Variants in SKAP1 observed in about 807,000 individuals in gnomAD.
The protein encoded by SKAP1 is src kinase-associated phosphoprotein 1.
Under a neutral mutation model 58.5 loss-of-function variants are expected in SKAP1, and 44 were observed. That is an observed-to-expected ratio of 0.75 (90% CI 0.59 to 0.97). The LOEUF (loss-of-function observed/expected upper bound fraction) is 0.97. Among genes scored for constraint, SKAP1 ranks in the 50% least tolerant of loss-of-function variants. SKAP1 has a pLI of 0.00. For synonymous variants in SKAP1, 127 were observed against 149.7 expected (o/e 0.85, Z 1.11); for missense variants, 390 against 435.2 (o/e 0.90, Z 0.92).
intron 4 of SKAP1, among the ~76,000 whole-genome samples, chr17:48,297,481 C>T (rs552193529): frequency 1.3e-5 from 2 of 152,286 alleles, no homozygotes; most frequent in Non-Finnish European, 2.9e-5. Flanking sequence ...AAAACAAGAT[C>T]ATAGATAGTA....
At chr17:48,411,816 T>C (rs923171572) in intron 1 of SKAP1, among the ~76,000 whole-genome samples, 7 of 152,156 alleles carry the variant, frequency 4.6e-5, no homozygotes, top group African/African-American at 9.7e-5. Context: ...ACCTCACCAG[T>C]ACTCCTCAAA....
chr17:48,427,931 A>G (rs904310790), intron 1 of SKAP1, among the ~76,000 whole-genome samples: 3 of 152,138 alleles, frequency 2.0e-5, no homozygotes, highest in African/African-American at 7.2e-5. Flanking sequence ...TGGGGGAGAC[A>G]AATAGCAACA....
intron 4 of SKAP1, among the ~76,000 whole-genome samples, chr17:48,263,792 T>A (rs1051114281): frequency 6.6e-6 from 1 of 152,220 alleles, no homozygotes; most frequent in African/African-American, 2.4e-5. Flanking sequence ...TGAAATTATT[T>A]GGTTTTGACC....
chr17:48,286,410 C>T (rs567299456), intron 4 of SKAP1, among the ~76,000 whole-genome samples: 5 of 152,294 alleles, frequency 3.3e-5, no homozygotes, highest in African/African-American at 1.2e-4. Context: ...CACATACTCC[C>T]AGAAGATTTC....
At chr17:48,429,975 G>C (rs1441973499) in intron 1 of SKAP1, 100 bp downstream of exon 1, 2 of 999,066 alleles carry the variant, frequency 2.0e-6, no homozygotes, top group African/African-American at 3.3e-5. Flanking sequence ...CTAGAAGGAG[G>C]TGAGTGACGA....
At chr17:48,304,126 A>G (rs1156563154) in intron 4 of SKAP1, among the ~76,000 whole-genome samples, 1 of 152,232 alleles carries the variant, frequency 6.6e-6, no homozygotes, top group African/African-American at 2.4e-5. Context: ...ATGTAATACC[A>G]AAGTATTATA....
At chr17:48,222,339 C>T (rs145803174) in intron 4 of SKAP1, among the ~76,000 whole-genome samples, 54 of 152,312 alleles carry the variant, frequency 3.5e-4, no homozygotes, top group African/African-American at 1.3e-3. Context: ...CATACTCCTA[C>T]ACTCTTTCTG....
chr17:48,173,780 G>C (rs897326125), intron 9 of SKAP1, among the ~76,000 whole-genome samples: 1 of 152,152 alleles, frequency 6.6e-6, no homozygotes, highest in African/African-American at 2.4e-5. Flanking sequence ...CGAAGTTGGA[G>C]GGTCACAGTG....
At chr17:48,443,570 G>T in the SKAP1 span, among the ~76,000 whole-genome samples, 1 of 152,064 alleles carries the variant, frequency 6.6e-6, no homozygotes, top group East Asian at 1.9e-4. Flanking sequence ...CTGCCTCCTG[G>T]GTTCAAGCAA....
intron 4 of SKAP1, among the ~76,000 whole-genome samples, chr17:48,315,026 T>C (rs2066270006): frequency 6.6e-6 from 1 of 152,316 alleles, no homozygotes; most frequent in Non-Finnish European, 1.5e-5. Flanking sequence ...AGAAATAGGA[T>C]GCCTATACTG....
At chr17:48,301,425 G>T (rs913267976) in intron 4 of SKAP1, among the ~76,000 whole-genome samples, 3 of 152,112 alleles carry the variant, frequency 2.0e-5, no homozygotes, top group Admixed American at 2.0e-4. Context: ...GCACATGGTA[G>T]AGACTCCATG....
intron 2 of SKAP1, among the ~76,000 whole-genome samples, chr17:48,386,575 C>T (rs984109366): frequency 1.3e-5 from 2 of 152,190 alleles, no homozygotes; most frequent in African/African-American, 4.8e-5. Context: ...CATGTTGATA[C>T]TTGGAGTATC....
At chr17:48,250,561 G>A (rs916476733) in intron 4 of SKAP1, among the ~76,000 whole-genome samples, 6 of 151,934 alleles carry the variant, frequency 3.9e-5, no homozygotes, top group African/African-American at 4.8e-5. Context: ...GATTATAGGC[G>A]TCAGCCACCA....
intron 2 of SKAP1, among the ~76,000 whole-genome samples, chr17:48,375,478 A>G (rs1460166669): frequency 6.6e-6 from 1 of 152,248 alleles, no homozygotes; most frequent in Non-Finnish European, 1.5e-5. Context: ...ATGAGTATAA[A>G]CATTAAGAAA....
intron 4 of SKAP1, among the ~76,000 whole-genome samples, chr17:48,252,662 C>G (rs866087762): frequency 3.3e-5 from 5 of 151,062 alleles, no homozygotes; most frequent in African/African-American, 1.2e-4. Context: ...TTCAAGGAAA[C>G]CTCAATAAAG....
intron 4 of SKAP1, among the ~76,000 whole-genome samples, chr17:48,321,535 G>A (rs929439875): frequency 1.1e-4 from 17 of 151,750 alleles, no homozygotes; most frequent in Admixed American, 2.6e-4. Flanking sequence ...CTGCCGCCAC[G>A]CCCGGCTAAT....
At chr17:48,413,015 T>C (rs1427216798) in intron 1 of SKAP1, among the ~76,000 whole-genome samples, 1 of 150,302 alleles carries the variant, frequency 6.7e-6, no homozygotes, top group African/African-American at 2.4e-5. Flanking sequence ...AAATCTGCTC[T>C]AAAAATACGC....
chr17:48,267,959 T>C (rs1044685825), intron 4 of SKAP1, among the ~76,000 whole-genome samples: 1 of 152,146 alleles, frequency 6.6e-6, no homozygotes, highest in Non-Finnish European at 1.5e-5. Flanking sequence ...ATTTTACAGA[T>C]GAGAAAAGCT....
intron 10 of SKAP1, among the ~76,000 whole-genome samples, chr17:48,165,137 C>T (rs953973058): frequency 1.3e-5 from 2 of 152,118 alleles, no homozygotes; most frequent in African/African-American, 4.8e-5. Context: ...AAGTTGAGGA[C>T]GCTGTGTGTA....
Sources: allele counts gnomAD v4.1 joint callset (sites outside exome capture counted in the v4.1 genomes callset), GRCh38; gene constraint gnomAD v4.1.1; transcripts MANE v1.5; gene names NCBI Gene and HGNC (gene_info 2026-07-23, HGNC 2026-07-21).